ASTN2: variants seen among roughly 807,000 people sequenced by gnomAD.
The protein encoded by ASTN2 is astrotactin 2.
A neutral mutation model predicts 139.8 loss-of-function variants in ASTN2; 54 were observed. That is an observed-to-expected ratio of 0.39 (90% CI 0.31 to 0.48). The LOEUF (loss-of-function observed/expected upper bound fraction) is 0.48, where lower values mean the gene tolerates loss of function less well. Ranked by LOEUF, ASTN2 falls within the 20% of genes least tolerant of loss-of-function variation. The pLI, the probability that ASTN2 is intolerant of heterozygous loss-of-function variation, is 0.95. For synonymous variants in ASTN2, 756 were observed against 719.5 expected (o/e 1.05, Z -0.81); for missense variants, 1,565 against 1,725.1 (o/e 0.91, Z 1.64).
intron 19 of ASTN2, among the ~76,000 whole-genome samples, chr9:116,536,842 C>A (rs1412421666): frequency 6.6e-6 from 1 of 152,220 alleles, no homozygotes; most frequent in Admixed American, 6.5e-5. Flanking sequence ...GTTCTCAGAT[C>A]TCAAACTCCA....
intron 11 of ASTN2, among the ~76,000 whole-genome samples, chr9:116,821,880 C>T (rs543721036): frequency 6.6e-6 from 1 of 152,118 alleles, no homozygotes; most frequent in East Asian, 1.9e-4. Flanking sequence ...ATTTAGTTTT[C>T]CATCATTTGA....
intron 19 of ASTN2, among the ~76,000 whole-genome samples, chr9:116,570,687 G>A (rs1326264239): frequency 6.6e-6 from 1 of 152,158 alleles, no homozygotes; most frequent in Non-Finnish European, 1.5e-5. Flanking sequence ...GTGAGCCACC[G>A]CGCCCGGCTG....
At chr9:116,887,353 G>T (rs540321114) in intron 10 of ASTN2, among the ~76,000 whole-genome samples, 29 of 152,090 alleles carry the variant, frequency 1.9e-4, no homozygotes, top group African/African-American at 7.0e-4. Context: ...TGCCTGGGGA[G>T]AAGGGACAAG....
At chr9:116,863,963 T>C (rs1832958127) in intron 10 of ASTN2, among the ~76,000 whole-genome samples, 1 of 152,190 alleles carries the variant, frequency 6.6e-6, no homozygotes, top group Non-Finnish European at 1.5e-5. Context: ...CTTTATTTTA[T>C]TAATACTTAT....
intron 5 of ASTN2, among the ~76,000 whole-genome samples, chr9:117,048,962 G>GTTTTTTTTTT (rs1838828395): frequency 6.0e-5 from 3 of 50,320 alleles, no homozygotes; most frequent in Admixed American, 1.7e-4. Flanking sequence ...TTCATCCATT[G>GTTTTTTTTTT]CTTTTTTTTT....
chr9:117,368,475 G>A (rs976967430), intron 1 of ASTN2, among the ~76,000 whole-genome samples: 1 of 152,062 alleles, frequency 6.6e-6, no homozygotes, highest in Non-Finnish European at 1.5e-5. Context: ...AAGAACAAAC[G>A]AATCTGCTGT....
At chr9:117,168,694 C>T (rs1210124970) in intron 3 of ASTN2, among the ~76,000 whole-genome samples, 3 of 152,124 alleles carry the variant, frequency 2.0e-5, no homozygotes, top group African/African-American at 7.2e-5. Flanking sequence ...TACAGCAGTT[C>T]TTTTCTAACT....
At chr9:116,547,238 A>G (rs1330051043) in intron 19 of ASTN2, 1 of 152,148 alleles carries the variant, frequency 6.6e-6, no homozygotes, top group Non-Finnish European at 1.5e-5. Context: ...AACAGCAATA[A>G]TCTCTTAGAT....
intron 12 of ASTN2, among the ~76,000 whole-genome samples, chr9:116,818,502 T>G (rs554272428): frequency 6.6e-6 from 1 of 152,296 alleles, no homozygotes; most frequent in South Asian, 2.1e-4. Flanking sequence ...TGTTTTTTGT[T>G]TTTTTTGTTT....
chr9:116,922,354 T>C (rs747632924), intron 10 of ASTN2, among the ~76,000 whole-genome samples: 39 of 152,222 alleles, frequency 2.6e-4, no homozygotes, highest in Non-Finnish European at 5.4e-4. Flanking sequence ...AATGCCAGAT[T>C]CATAATGAGT....
At chr9:117,305,948 A>T (rs1481729943) in intron 1 of ASTN2, among the ~76,000 whole-genome samples, 1 of 152,214 alleles carries the variant, frequency 6.6e-6, no homozygotes, top group Admixed American at 6.5e-5. Context: ...CTACACAAAT[A>T]AATTGCTTTT....
chr9:117,086,038 T>C (rs919072539), intron 5 of ASTN2, among the ~76,000 whole-genome samples: 6 of 152,190 alleles, frequency 3.9e-5, no homozygotes, highest in African/African-American at 1.4e-4. Flanking sequence ...TAGAATAATA[T>C]GAAATCATGC....
intron 3 of ASTN2, among the ~76,000 whole-genome samples, chr9:117,175,075 A>T (rs930438055): frequency 6.6e-6 from 1 of 152,082 alleles, no homozygotes; most frequent in Admixed American, 6.6e-5. Context: ...ATTTAAAAAA[A>T]ATCTAGAGGC....
At chr9:117,344,370 C>T (rs1436550620) in intron 1 of ASTN2, among the ~76,000 whole-genome samples, 1 of 152,120 alleles carries the variant, frequency 6.6e-6, no homozygotes, top group African/African-American at 2.4e-5. Context: ...AAGATTTGCT[C>T]AGCCATGATA....
chr9:117,044,812 AC>A (rs1318006357), intron 5 of ASTN2, among the ~76,000 whole-genome samples: 1 of 152,230 alleles, frequency 6.6e-6, no homozygotes, highest in Non-Finnish European at 1.5e-5. Flanking sequence ...ATAATACTAA[AC>A]AAAACAGCGA....
At chr9:116,617,209 TC>T (rs1855902391) in intron 19 of ASTN2, among the ~76,000 whole-genome samples, 1 of 152,194 alleles carries the variant, frequency 6.6e-6, no homozygotes, top group Non-Finnish European at 1.5e-5. Flanking sequence ...TTTATCACTT[TC>T]TTCCCAATTT....
At chr9:116,880,547 T>C (rs1228884946) in intron 10 of ASTN2, among the ~76,000 whole-genome samples, 2 of 152,180 alleles carry the variant, frequency 1.3e-5, no homozygotes, top group African/African-American at 2.4e-5. Context: ...GGTTTGCCCT[T>C]GCGCAAATGA....
intron 11 of ASTN2, among the ~76,000 whole-genome samples, chr9:116,855,627 G>T (rs1028857827): frequency 1.3e-5 from 2 of 152,130 alleles, no homozygotes; most frequent in Non-Finnish European, 2.9e-5. Flanking sequence ...GGGGACATTC[G>T]CCTTATCCCT....
At chr9:117,314,235 C>T (rs1042074819) in intron 1 of ASTN2, among the ~76,000 whole-genome samples, 3 of 151,902 alleles carry the variant, frequency 2.0e-5, no homozygotes, top group African/African-American at 7.3e-5. Context: ...CCCACCCCCA[C>T]CATGAATGTT....
Sources: gnomAD v4.1 joint callset for allele counts (sites outside exome capture counted in the v4.1 genomes callset) on GRCh38, gnomAD v4.1.1 for gene constraint, MANE v1.5 for transcripts, NCBI Gene and HGNC (gene_info 2026-07-23, HGNC 2026-07-21) for gene names.